The following FBH1 variants were observed in gnomAD, a reference collection of about 807,000 sequenced individuals.
The protein encoded by FBH1 is F-box DNA helicase 1.
In FBH1, 43 loss-of-function variants were observed where a neutral mutation model predicts 115.5. The observed-to-expected ratio is 0.37, with a 90% CI of 0.29 to 0.48. The LOEUF (loss-of-function observed/expected upper bound fraction) is 0.48. FBH1 is among the 20% of genes least tolerant of loss of function. The pLI is 0.99. For synonymous variants in FBH1, 524 were observed against 507.8 expected (o/e 1.03, Z -0.43); for missense variants, 1,001 against 1,337.3 (o/e 0.75, Z 3.92).
At chr10:5,926,193 T>A (rs1832643485) in intron 18 of FBH1, among the ~76,000 whole-genome samples, 1 of 152,228 alleles carries the variant, frequency 6.6e-6, no homozygotes, top group African/African-American at 2.4e-5. Flanking sequence ...CGATCTCGGC[T>A]CACTGCAATC....
Position 5,923,926 on chromosome 10 carries a change from T to G in FBH1, c.2398+230T>G, listed in dbSNP as rs1832462232. 1.7e-6 allele frequency: 1 copy of G among 577,886 alleles called. No homozygotes were observed. Among genetic ancestry groups the G allele is most frequent in the African/African-American group, 1.9e-5 (1 of 53,484 alleles). 35.8% of individuals were successfully genotyped at this position (577,886 alleles called of 1,614,324 possible). On this transcript the variant is annotated intron_variant, in intron 16 of 20. Transcript: ENST00000362091. The surrounding 1 kb of genome is among the most constrained non-coding windows in gnomAD (Gnocchi z 5.7). ...AGCCTCAGTCTCTTTCCAACACTGG[T>G]CCCATAGACTGTCTTCCCCTGCATC... is the stretch of plus-strand genomic sequence containing the variant.
At chr10:5,937,009 G>A (rs1248709495) in intron 20 of FBH1, 101 bp from the exon 21 acceptor site, 10 of 1,327,516 alleles carry the variant, frequency 7.5e-6, no homozygotes, top group East Asian at 4.9e-5. Context: ...ATCCAAATGC[G>A]TTGTCCCTGG....
chr10:5,913,767 A>G lies in FBH1; in HGVS notation c.1232A>G (p.Tyr411Cys), dbSNP rs1232922654. The change falls in exon 7 of 21, where the codon TAT becomes TGT. Residue 411 changes from tyrosine to cysteine, a missense_variant. Around this residue, in one of 4 missense-constraint regions of FBH1, gnomAD observed 521 missense variants for 811.0 expected, o/e 0.64. Coordinates refer to ENST00000362091, the MANE Select transcript of FBH1 (RefSeq NM_178150.3). This position sits in a 1 kb window ranked among gnomAD's most constrained non-coding sequence, Gnocchi z 4.4. Reference sequence around the variant, plus strand: ...GGTAGGATTCACTACAACATTTTCTATTGCCTATATCTTCAGGAGAATTCC... The same window carrying G: ...GGTAGGATTCACTACAACATTTTCTGTTGCCTATATCTTCAGGAGAATTCC... Reference protein sequence around the residue: ...ISNRIHYNIFYCLYLQENSCT... With the variant: ...ISNRIHYNIFCCLYLQENSCT... The G allele has an allele frequency of 3.8e-6, 6 of 1,568,848 alleles. No individual in the cohort carries two copies. Among genetic ancestry groups the G allele is most frequent in the East Asian group, 2.3e-5 (1 of 43,106 alleles).
intron 9 of FBH1, 104 bp from the exon 10 acceptor site, chr10:5,916,130 G>T: frequency 1.0e-6 from 1 of 968,030 alleles, no homozygotes; most frequent in South Asian, 1.5e-5. Context: ...CCTGTGTGTG[G>T]CACTTGAAGC....
In FBH1 at chr10:5,923,459, C is replaced by T. The variant is rs373147617; in HGVS notation, c.2323-162C>T. On this transcript the variant is annotated intron_variant, in intron 15 of 20. Transcript: ENST00000362091. The surrounding 1 kb of genome is among the most constrained non-coding windows in gnomAD (Gnocchi z 5.7). ...CTGCTTCATGAAGTTTCCTGCTTGCCGCCTGTGCTTTGGGTGTCACTCAAG... is the reference window on the plus strand; with the variant it reads ...CTGCTTCATGAAGTTTCCTGCTTGCTGCCTGTGCTTTGGGTGTCACTCAAG... The T allele has an allele frequency of 6.4e-5, 38 of 592,516 alleles. No individual in the cohort carries two copies. Among genetic ancestry groups the T allele is most frequent in the Non-Finnish European group, 8.5e-5 (29 of 339,540 alleles). The allele number at this position is 592,516 out of a possible 1,614,324, so 36.7% of individuals were successfully genotyped here.
chr10:5,936,018 C>T lies in FBH1; in HGVS notation c.2830-438C>T, dbSNP rs1162253245. On this transcript the variant is annotated intron_variant, in intron 19 of 20. Coordinates refer to ENST00000362091, the MANE Select transcript of FBH1 (RefSeq NM_178150.3). The surrounding 1 kb of genome is among the most constrained non-coding windows in gnomAD (Gnocchi z 5.6). ...AGGCTTAGCGAGGCTGTCATTTGCT[C>T]ACTAGCACAGCCAGCAGCACGGGAC... 6.3e-6 allele frequency: 1 copy of T among 158,274 alleles called. No homozygotes were observed. Among genetic ancestry groups the T allele is most frequent in the East Asian group, 1.8e-4 (1 of 5,546 alleles). 9.8% of individuals were successfully genotyped at this position (158,274 alleles called of 1,614,324 possible).
chr10:5,936,725 C>T lies in FBH1; in HGVS notation c.2961+138C>T. The T allele has an allele frequency of 8.8e-7, 1 of 1,132,976 alleles. No individual in the cohort carries two copies. 70.2% of individuals were successfully genotyped at this position (1,132,976 alleles called of 1,614,324 possible). A position where few individuals can be genotyped will look rare whatever the true frequency, so the allele number is the denominator to read the frequency against. ...TTAGGGGCTTTTCATATGAGAGGCA[C>T]AAGAGGTGTGTGGTCTGTCCCAGGG... is the stretch of plus-strand genomic sequence containing the variant. On this transcript the variant is annotated intron_variant, in intron 20 of 20. Transcript: ENST00000362091. The surrounding 1 kb of genome is among the most constrained non-coding windows in gnomAD (Gnocchi z 5.6).
In FBH1 at chr10:5,936,371, C is replaced by A; in HGVS notation, c.2830-85C>A. 6.6e-7 allele frequency: 1 copy of A among 1,514,826 alleles called. No homozygotes were observed. The highest frequency in any genetic ancestry group is 1.2e-5 in the South Asian group (1 of 84,628). 93.8% of individuals were successfully genotyped at this position (1,514,826 alleles called of 1,614,324 possible). A position where few individuals can be genotyped will look rare whatever the true frequency, so the allele number is the denominator to read the frequency against. ...GGACTTACAGTGCATCTAAAGGGTT[C>A]TCACAGAGCCGCCGCTATCAGTGTT... On this transcript the variant is annotated intron_variant, in intron 19 of 20. Coordinates refer to ENST00000362091, the MANE Select transcript of FBH1 (RefSeq NM_178150.3). This position sits in a 1 kb window ranked among gnomAD's most constrained non-coding sequence, Gnocchi z 5.6.
chr10:5,899,883 T>C (rs1263399009), intron 1 of FBH1, among the ~76,000 whole-genome samples: 1 of 152,252 alleles, frequency 6.6e-6, no homozygotes, highest in Non-Finnish European at 1.5e-5. Context: ...TGTAGAAAAC[T>C]TCAAATTTAG....
rs1247602110 is a variant in FBH1 at position 5,890,279 on chromosome 10, C to T, written c.-67C>T. 1.1e-5 allele frequency: 4 copies of T among 370,888 alleles called. No homozygotes were observed. The highest frequency in any genetic ancestry group is 2.0e-5 in the Non-Finnish European group (4 of 198,796). 23.0% of individuals were successfully genotyped at this position (370,888 alleles called of 1,614,324 possible). On this transcript the variant is annotated 5_prime_UTR_variant, in exon 1 of 21. Coordinates refer to ENST00000362091, the MANE Select transcript of FBH1 (RefSeq NM_178150.3). ...AGGAGGAGCTCGCTGCCGGGGGACG[C>T]TGGGCTGAGCGGCCGGCGGCGCGGG...
Position 5,895,854 on chromosome 10 carries a change from G to A in FBH1, c.1+5508G>A, listed in dbSNP as rs1842974255. ...TGCTGCTGTTCCCATTGCATTGGCT[G>A]GCACCCAGCGGTAAGGCGACATCCA... is the stretch of plus-strand genomic sequence containing the variant. On this transcript the variant is annotated intron_variant, in intron 1 of 20. Transcript: ENST00000362091. This position sits in a 1 kb window ranked among gnomAD's most constrained non-coding sequence, Gnocchi z 5.0. Among the ~76,000 whole-genome samples, 1 of 152,156 alleles carries A rather than the reference G, an allele frequency of 6.6e-6. No homozygotes were observed. The highest frequency in any genetic ancestry group is 2.4e-5 in the African/African-American group (1 of 41,436).
At chr10:5,902,432 G>A (rs1272145140) in intron 1 of FBH1, among the ~76,000 whole-genome samples, 1 of 152,030 alleles carries the variant, frequency 6.6e-6, no homozygotes, top group African/African-American at 2.4e-5. Context: ...AATATAAATG[G>A]CCTGGAGAAA....
chr10:5,921,425 G>C lies in FBH1; in HGVS notation c.2201-23G>C. On this transcript the variant is annotated intron_variant, in intron 14 of 20. Transcript: ENST00000362091. This position sits in a 1 kb window ranked among gnomAD's most constrained non-coding sequence, Gnocchi z 6.4. ...TTCCTCTTTATTTCAATTTGCCATA[G>C]AGTTTGTGCTCTCTCCCTAAAGGTG... 1 of 1,609,856 alleles carries C rather than the reference G, an allele frequency of 6.2e-7. No homozygotes were observed. The highest frequency in any genetic ancestry group is 8.5e-7 in the Non-Finnish European group (1 of 1,178,646).
At chr10:5,934,202 A>C (rs1002106210) in intron 19 of FBH1, 9 of 152,172 alleles carry the variant, frequency 5.9e-5, no homozygotes, top group African/African-American at 2.2e-4. Context: ...TCCCAAGAGT[A>C]GGGCAACCTT....
rs1359269723 is a variant in FBH1, at chr10:5,897,769, G to A, written c.2-5251G>A. On this transcript the variant is annotated intron_variant, in intron 1 of 20. Coordinates refer to ENST00000362091, the MANE Select transcript of FBH1 (RefSeq NM_178150.3). The surrounding 1 kb of genome is among the most constrained non-coding windows in gnomAD (Gnocchi z 4.7). The stretch of plus-strand genomic sequence containing the variant: ...AATATACCGGGACTCCCTTGAAGCA[G>A]AACACAGTGTTCCAACACTCCCATT... Among the ~76,000 whole-genome samples the A allele has an allele frequency of 6.6e-6, 1 of 152,186 alleles. No individual in the cohort carries two copies. Among genetic ancestry groups the A allele is most frequent in the South Asian group, 2.1e-4 (1 of 4,834 alleles).
rs1048126151 is a variant in FBH1, at chr10:5,915,902, C to T, written c.1565+331C>T. 8.7e-6 allele frequency: 4 copies of T among 461,818 alleles called. No homozygotes were observed. Among genetic ancestry groups the T allele is most frequent in the African/African-American group, 7.8e-5 (4 of 51,242 alleles). 28.6% of individuals were successfully genotyped at this position (461,818 alleles called of 1,614,324 possible). A position where few individuals can be genotyped will look rare whatever the true frequency, so the allele number is the denominator to read the frequency against. ...TTCTTGGAAGGGAGTGAGGAAGACT[C>T]AGCCGAGGCACACTTGACCCAGGTC... On this transcript the variant is annotated intron_variant, in intron 9 of 20. Coordinates refer to ENST00000362091, the MANE Select transcript of FBH1 (RefSeq NM_178150.3). The surrounding 1 kb of genome is among the most constrained non-coding windows in gnomAD (Gnocchi z 5.2).
chr10:5,905,835 T>C (rs1401366087), intron 2 of FBH1, among the ~76,000 whole-genome samples: 2 of 152,228 alleles, frequency 1.3e-5, no homozygotes, highest in Admixed American at 6.5e-5. Context: ...TCTTTGCAAA[T>C]GTGTGTCTGG....
chr10:5,890,558 G>C (rs1034087471), intron 1 of FBH1, among the ~76,000 whole-genome samples: 30 of 151,312 alleles, frequency 2.0e-4, no homozygotes, highest in African/African-American at 6.3e-4. Context: ...GCGCGGGGGA[G>C]GCCAGGGCGC....
chr10:5,894,016 C>G (rs1245202735), intron 1 of FBH1: 1 of 985,310 alleles, frequency 1.0e-6, no homozygotes, highest in Non-Finnish European at 1.2e-6. Context: ...TCCTTGTTGG[C>G]TGTCATACAC....
Sources: gnomAD v4.1 joint callset for allele counts (sites outside exome capture counted in the v4.1 genomes callset) on GRCh38, gnomAD v4.1.1 for gene constraint, gnomAD v4.1.1 regional missense constraint, Gnocchi (gnomAD v3.1) non-coding constraint, MANE v1.5 for transcripts, NCBI Gene and HGNC (gene_info 2026-07-23, HGNC 2026-07-21) for gene names.